Variants in G3BP2 observed in about 807,000 individuals in gnomAD.
G3BP2 encodes ras GTPase-activating protein-binding protein 2.
G3BP2 carries 11 observed loss-of-function variants against 56.7 expected under a neutral mutation model. The observed-to-expected ratio is 0.19, with a 90% CI of 0.12 to 0.32. The LOEUF is 0.32. Among genes scored for constraint, G3BP2 ranks in the 10% least tolerant of loss-of-function variants. The pLI is 1.00. For synonymous variants in G3BP2, 165 were observed against 191.6 expected, an observed-to-expected ratio of 0.86 and a Z score of 1.15; for missense variants, 340 against 610.9, an observed-to-expected ratio of 0.56 and a Z score of 4.67.
chr4:75,717,697 C>A (rs1719982412), intron 3 of G3BP2, among the ~76,000 whole-genome samples: 1 of 152,132 alleles, frequency 6.6e-6, no homozygotes, highest in African/African-American at 2.4e-5. Flanking sequence ...AGACTGCAAC[C>A]CTACCCTGGC....
intron 10 of G3BP2, 152 bp downstream of exon 10, chr4:75,646,877 T>G (rs1460694965): frequency 1.8e-6 from 1 of 554,400 alleles, no homozygotes; most frequent in African/African-American, 1.9e-5. Context: ...ATAAGTCATC[T>G]ACTCCCTTCT....
chr4:75,704,869 G>A (rs1719484600), intron 3 of G3BP2, among the ~76,000 whole-genome samples: 2 of 152,112 alleles, frequency 1.3e-5, no homozygotes, highest in Non-Finnish European at 2.9e-5. Flanking sequence ...CTGACCTCAG[G>A]TGACCCACCC....
chr4:75,666,066 A>G (rs1733011249), intron 1 of G3BP2, among the ~76,000 whole-genome samples: 1 of 152,174 alleles, frequency 6.6e-6, no homozygotes, highest in Non-Finnish European at 1.5e-5. Context: ...TTGTTTCTCA[A>G]ACCAAAATAA....
rs764173355 is a variant in G3BP2 at position 75,645,416 on chromosome 4, C to T, written c.*14G>A. The T allele has an allele frequency of 6.2e-7, 1 of 1,606,044 alleles. No homozygotes were observed. The highest frequency in any genetic ancestry group is 1.3e-5 in the African/African-American group (1 of 74,500). ...ATAATGTACCACTGCCAAGACTTTG[C>T]CAACAGTGGAGCTTCAGCGACGCTG... On this transcript the variant is annotated 3_prime_UTR_variant, in exon 12 of 12. Transcript: ENST00000359707.
intron 3 of G3BP2, among the ~76,000 whole-genome samples, chr4:75,716,279 T>A (rs1719922651): frequency 6.8e-6 from 1 of 147,740 alleles, no homozygotes; most frequent in Non-Finnish European, 1.5e-5. Context: ...AAGAGATTCT[T>A]GTGTCTCGGC....
intron 8 of G3BP2, among the ~76,000 whole-genome samples, chr4:75,651,073 T>C (rs951835813): frequency 3.3e-5 from 5 of 152,220 alleles, no homozygotes; most frequent in African/African-American, 1.2e-4. Flanking sequence ...TAATTCTATA[T>C]AATAATTTGA....
intron 3 of G3BP2, among the ~76,000 whole-genome samples, chr4:75,690,119 A>C (rs1201540101): frequency 2.0e-5 from 3 of 152,196 alleles, no homozygotes; most frequent in Non-Finnish European, 4.4e-5. Flanking sequence ...GTCCTGCTTC[A>C]ATAAAGCGCC....
intron 1 of G3BP2, among the ~76,000 whole-genome samples, chr4:75,664,819 A>C (rs909285981): frequency 6.6e-6 from 1 of 152,118 alleles, no homozygotes; most frequent in Non-Finnish European, 1.5e-5. Context: ...ACTGCACTCC[A>C]GCCTGGGCAA....
intron 6 of G3BP2, 130 bp from the exon 7 acceptor site, chr4:75,655,376 C>A: frequency 1.5e-6 from 1 of 680,316 alleles, no homozygotes; most frequent in Non-Finnish European, 2.5e-6. Flanking sequence ...GTATTCAAAG[C>A]AAAATTCCAA....
intron 6 of G3BP2, 75 bp downstream of exon 6, chr4:75,655,693 C>A (rs1732042032): frequency 1.3e-6 from 1 of 776,790 alleles, no homozygotes; most frequent in Non-Finnish European, 2.2e-6. Flanking sequence ...TTACTTTCAA[C>A]AATAATTCTA....
intron 1 of G3BP2, among the ~76,000 whole-genome samples, chr4:75,667,288 T>TAA (rs33912343): frequency 0.29 from 39,535 of 137,010 alleles, 7,099 homozygotes; most frequent in East Asian, 0.76. Flanking sequence ...AGACACTGTT[T>TAA]AAAAAAAAAA....
intron 8 of G3BP2, 22 bp downstream of exon 8, chr4:75,653,961 A>G (rs779075052): frequency 9.6e-7 from 1 of 1,038,438 alleles, no homozygotes; most frequent in East Asian, 2.4e-5. Flanking sequence ...GATACAATCC[A>G]ATGTGTTCAC....
intron 3 of G3BP2, chr4:75,694,671 G>T (rs1482327545): frequency 7.0e-6 from 4 of 575,344 alleles, no homozygotes; most frequent in Non-Finnish European, 8.8e-6. Flanking sequence ...CCGCGAGGCG[G>T]CGGTTGCAGT....
chr4:75,650,992 G>GATA (rs1731659100), intron 8 of G3BP2, among the ~76,000 whole-genome samples: 2 of 152,160 alleles, frequency 1.3e-5, no homozygotes, highest in Non-Finnish European at 2.9e-5. Context: ...AAACATGCAG[G>GATA]ATAATGTTCT....
At chr4:75,675,411 T>A (rs916440280), upstream of G3BP2, among the ~76,000 whole-genome samples, 1 of 152,226 alleles carries the variant, frequency 6.6e-6, no homozygotes, top group Non-Finnish European at 1.5e-5. Context: ...TCCCTAAGTT[T>A]CTGATTCAAC....
chr4:75,680,902 A>C (rs576881580), intron 3 of G3BP2, among the ~76,000 whole-genome samples: 19 of 151,492 alleles, frequency 1.3e-4, no homozygotes, highest in African/African-American at 4.4e-4. Flanking sequence ...CAGGAGGCAG[A>C]GGTTGCAGTG....
intron 7 of G3BP2, among the ~76,000 whole-genome samples, chr4:75,654,700 T>C (rs574348162): frequency 1.6e-3 from 245 of 152,328 alleles, no homozygotes; most frequent in Non-Finnish European, 2.6e-3. Context: ...CTTTTAATTA[T>C]AGACCAACTT....
chr4:75,698,473 C>T (rs1383570310), intron 3 of G3BP2, among the ~76,000 whole-genome samples: 2 of 152,126 alleles, frequency 1.3e-5, no homozygotes, highest in African/African-American at 2.4e-5. Context: ...CATCTGATCC[C>T]ACTTTAAATT....
chr4:75,693,651 C>T (rs1329981891), intron 3 of G3BP2, among the ~76,000 whole-genome samples: 5 of 151,522 alleles, frequency 3.3e-5, no homozygotes, highest in Non-Finnish European at 7.4e-5. Context: ...TAGCTGGGCG[C>T]GGTGGCGGGC....
Sources: gnomAD v4.1 joint callset for allele counts (sites outside exome capture counted in the v4.1 genomes callset) on GRCh38, gnomAD v4.1.1 for gene constraint, MANE v1.5 for transcripts, NCBI Gene and HGNC (gene_info 2026-07-23, HGNC 2026-07-21) for gene names.